Variants in NUDT3 observed in about 807,000 individuals in gnomAD.
NUDT3 encodes the protein nudix hydrolase 3.
A neutral mutation model predicts 23.6 loss-of-function variants in NUDT3; 9 were observed. The ratio of observed to expected loss-of-function variants is 0.38; its 90% CI spans 0.23 to 0.66. The LOEUF (loss-of-function observed/expected upper bound fraction) is 0.66. NUDT3 is among the 30% of genes least tolerant of loss of function. NUDT3 has a pLI of 0.52. For missense variants in NUDT3, 172 were observed against 218.5 expected (o/e 0.79, Z 1.34); for synonymous variants, 86 against 82.6 (o/e 1.04, Z -0.22).
chr6:34,391,290 T>C (rs1255335460), intron 1 of NUDT3, among the ~76,000 whole-genome samples: 1 of 152,188 alleles, frequency 6.6e-6, no homozygotes, highest in Non-Finnish European at 1.5e-5. Flanking sequence ...TCACTGTCCT[T>C]CATTGTTTCC....
chr6:34,343,451 G>A (rs2113736061), intron 1 of NUDT3, among the ~76,000 whole-genome samples: 1 of 151,694 alleles, frequency 6.6e-6, no homozygotes, highest in South Asian at 2.1e-4. Flanking sequence ...TTACTTGGGA[G>A]GACTGCTTGA....
intron 1 of NUDT3, among the ~76,000 whole-genome samples, chr6:34,348,169 C>T (rs997093296): frequency 6.6e-6 from 1 of 151,588 alleles, no homozygotes; most frequent in Admixed American, 6.6e-5. Flanking sequence ...GCCTGTAGTC[C>T]CAGCTATGCA....
Position 34,316,917 on chromosome 6 carries a change from G to C in NUDT3, c.211-21232C>G, listed in dbSNP as rs374132455. 1.8e-4 allele frequency among the ~76,000 whole-genome samples: 28 copies of C among 152,274 alleles called. No individual in the cohort carries two copies. In the South Asian group the frequency reaches 5.0e-3, roughly 27 times the overall value. ...GATAATTTTGCCTACTGTGTTGAAA[G>C]TAGTAGACTGAAGAAGGCAAGGGTG... On this transcript the variant is annotated intron_variant, in intron 2 of 4. Transcript: ENST00000607016.
intron 2 of NUDT3, among the ~76,000 whole-genome samples, chr6:34,324,306 G>C (rs924705557): frequency 1.3e-5 from 2 of 150,284 alleles, no homozygotes; most frequent in African/African-American, 2.5e-5. Flanking sequence ...AGTGAGCTGA[G>C]ATCACACCAC....
At chr6:34,347,395 A>G (rs1396785702) in intron 1 of NUDT3, among the ~76,000 whole-genome samples, 1 of 152,170 alleles carries the variant, frequency 6.6e-6, no homozygotes, top group Non-Finnish European at 1.5e-5. Context: ...AGTCATTGAG[A>G]CAGGTGATAT....
chr6:34,335,645 G>C (rs962149355), intron 2 of NUDT3, among the ~76,000 whole-genome samples: 1 of 151,026 alleles, frequency 6.6e-6, no homozygotes, highest in East Asian at 1.9e-4. Context: ...CTTATATATA[G>C]CATGGGAATA....
rs529092584 is a variant in NUDT3, at chr6:34,366,473, AAGGGAGGGAGGGAGGGAGGG to A, written c.100-24521_100-24502del. On this transcript the variant is annotated intron_variant, in intron 1 of 4. Transcript: ENST00000607016. ...GAGAGAGAGAGAAAGAGAGAGAGGG[AAGGGAGGGAGGGAGGGAGGG>A]AGGGAGGGAGGGAGGGAGGGAGAGA... Among the ~76,000 whole-genome samples the A allele has an allele frequency of 1.8e-3, 55 of 29,818 alleles. 1 individual carries two copies. The highest frequency in any genetic ancestry group is 7.3e-3 in the African/African-American group (50 of 6,878). 19.6% of individuals were successfully genotyped at this position (29,818 alleles called of 152,430 possible). A position where few individuals can be genotyped will look rare whatever the true frequency, so the allele number is the denominator to read the frequency against.
intron 4 of NUDT3, among the ~76,000 whole-genome samples, chr6:34,292,895 A>G (rs1763445220): frequency 6.6e-6 from 1 of 152,216 alleles, no homozygotes; most frequent in Non-Finnish European, 1.5e-5. Flanking sequence ...TTGATTTTAG[A>G]AGCAACATTT....
At chr6:34,373,131 T>G (rs978960659) in intron 1 of NUDT3, among the ~76,000 whole-genome samples, 1 of 151,354 alleles carries the variant, frequency 6.6e-6, no homozygotes, top group African/African-American at 2.4e-5. Context: ...TACAAAAAAT[T>G]AGCCGGGCAT....
At chr6:34,296,024 C>CT (rs985471331) in intron 2 of NUDT3, among the ~76,000 whole-genome samples, 3 of 152,210 alleles carry the variant, frequency 2.0e-5, no homozygotes, top group South Asian at 2.1e-4. Context: ...CACTGCCACT[C>CT]TGGGAGGCTG....
At position 34,392,646 on chromosome 6, in the gene NUDT3, T is replaced by G. The variant is rs891290823; in HGVS notation, c.-284A>C. 9.1e-6 allele frequency: 2 copies of G among 219,746 alleles called. No homozygotes were observed. The allele number at this position is 219,746 out of a possible 1,614,324, so 13.6% of individuals were successfully genotyped here. A position where few individuals can be genotyped will look rare whatever the true frequency, so the allele number is the denominator to read the frequency against. On this transcript the variant is annotated 5_prime_UTR_variant, in exon 1 of 5. Transcript: ENST00000607016. ...CCCCGACGACGACCGCGCCGCCATC[T>G]TGGGCGCGATGCGTCAGCGGCGTAA...
At chr6:34,326,603 T>C (rs1276293468) in intron 2 of NUDT3, among the ~76,000 whole-genome samples, 3 of 152,066 alleles carry the variant, frequency 2.0e-5, no homozygotes, top group Non-Finnish European at 4.4e-5. Flanking sequence ...TCCAGCTTTT[T>C]TTTTTTCTTT....
chr6:34,329,469 T>C (rs1209994173), intron 2 of NUDT3, among the ~76,000 whole-genome samples: 1 of 151,848 alleles, frequency 6.6e-6, no homozygotes, highest in Non-Finnish European at 1.5e-5. Flanking sequence ...TTAGTAGAGA[T>C]GGGGTTTCAC....
intron 1 of NUDT3, among the ~76,000 whole-genome samples, chr6:34,380,706 T>C (rs1765002214): frequency 6.6e-6 from 1 of 152,190 alleles, no homozygotes; most frequent in Admixed American, 6.5e-5. Context: ...TCATAGACAC[T>C]GGACTGGGCC....
chr6:34,320,146 G>A (rs186695605), intron 2 of NUDT3, among the ~76,000 whole-genome samples: 7 of 152,238 alleles, frequency 4.6e-5, no homozygotes, highest in Non-Finnish European at 7.4e-5. Context: ...GTTAATAGGC[G>A]AAAACTCACA....
intron 1 of NUDT3, among the ~76,000 whole-genome samples, chr6:34,354,782 T>C (rs1764537091): frequency 1.4e-5 from 2 of 146,724 alleles, no homozygotes; most frequent in South Asian, 2.1e-4. Flanking sequence ...ATTTATTTTA[T>C]ATTTGTATAC....
chr6:34,292,659 C>A (rs549136240), intron 4 of NUDT3, among the ~76,000 whole-genome samples: 3 of 151,602 alleles, frequency 2.0e-5, no homozygotes, highest in Non-Finnish European at 4.4e-5. Flanking sequence ...AAGAATAAAA[C>A]TAGAAACCAC....
intron 1 of NUDT3, among the ~76,000 whole-genome samples, chr6:34,359,229 C>T (rs574100267): frequency 1.4e-4 from 21 of 152,096 alleles, no homozygotes; most frequent in Admixed American, 7.2e-4. Flanking sequence ...AAAAATTAGC[C>T]GGGTGTGGTG....
At chr6:34,312,154 T>A (rs190662828) in intron 2 of NUDT3, among the ~76,000 whole-genome samples, 21 of 152,112 alleles carry the variant, frequency 1.4e-4, no homozygotes, top group African/African-American at 4.8e-4. Context: ...GTAATCCCAG[T>A]ACTTTGGGAG....
Sources: allele counts gnomAD v4.1 joint callset (sites outside exome capture counted in the v4.1 genomes callset), GRCh38; gene constraint gnomAD v4.1.1; transcripts MANE v1.5; gene names NCBI Gene and HGNC (gene_info 2026-07-23, HGNC 2026-07-21).